The following UCHL3 variants were observed in gnomAD, a reference collection of about 807,000 sequenced individuals.
The protein encoded by UCHL3 is ubiquitin carboxyl-terminal hydrolase isozyme L3.
UCHL3 carries 22 observed loss-of-function variants against 35.8 expected under a neutral mutation model. The observed-to-expected ratio is 0.61, with a 90% CI of 0.44 to 0.88. The LOEUF (loss-of-function observed/expected upper bound fraction) is 0.88, where lower values mean the gene tolerates loss of function less well. Among genes scored for constraint, UCHL3 ranks in the 40% least tolerant of loss-of-function variants. The probability of loss-of-function intolerance (pLI) is 0.00; values close to 1 mark genes in which losing one functional copy is unlikely to be tolerated. For synonymous variants in UCHL3, 90 were observed against 92.8 expected (o/e 0.97, Z 0.17); for missense variants, 229 against 276.9 (o/e 0.83, Z 1.23).
chr13:75,589,033 A>G (rs1299190599), intron 6 of UCHL3, among the ~76,000 whole-genome samples: 3 of 152,146 alleles, frequency 2.0e-5, no homozygotes, highest in African/African-American at 7.2e-5. Context: ...ACCTAACCTT[A>G]TCAGAATTAT....
chr13:75,561,802 CGT>C (rs1456942148), intron 3 of UCHL3, among the ~76,000 whole-genome samples: 2 of 31,252 alleles, frequency 6.4e-5, no homozygotes, highest in Non-Finnish European at 2.8e-4. Flanking sequence ...TATATGTATA[CGT>C]ATACATACGT....
At chr13:75,581,362 T>TC (rs1199377187) in intron 6 of UCHL3, among the ~76,000 whole-genome samples, 1 of 151,282 alleles carries the variant, frequency 6.6e-6, no homozygotes, top group African/African-American at 2.4e-5. Flanking sequence ...TTTTTTTTTT[T>TC]TCCTTGAGAC....
intron 6 of UCHL3, chr13:75,590,211 G>C: frequency 8.3e-7 from 1 of 1,201,184 alleles, no homozygotes; most frequent in Non-Finnish European, 1.1e-6. Context: ...TCGGTCTTCA[G>C]AGTGCTTTTC....
chr13:75,583,806 T>C (rs186342321), intron 6 of UCHL3, among the ~76,000 whole-genome samples: 1 of 152,296 alleles, frequency 6.6e-6, no homozygotes, highest in Non-Finnish European at 1.5e-5. Context: ...CCAAAATTTA[T>C]GGGTAATGAA....
At chr13:75,564,885 G>A (rs1262451964) in intron 3 of UCHL3, among the ~76,000 whole-genome samples, 1 of 151,900 alleles carries the variant, frequency 6.6e-6, no homozygotes, top group Non-Finnish European at 1.5e-5. Context: ...CAGTAGAGAC[G>A]GGGTTTCACC....
In UCHL3 at chr13:75,579,876, C is replaced by CATT. The variant is rs1257643374; in HGVS notation, c.474+10369_474+10370insATT. On this transcript the variant is annotated intron_variant, in intron 6 of 8. Coordinates refer to ENST00000377595, the MANE Select transcript of UCHL3 (RefSeq NM_006002.5). Reference sequence around the variant, plus strand: ...TAATAAAGGAGAACTTTATTTGGGGCTACTCTCAAACTGTAAAGAAAATAA... The same window carrying CATT: ...TAATAAAGGAGAACTTTATTTGGGGCATTTACTCTCAAACTGTAAAGAAAATAA... Among the ~76,000 whole-genome samples, 12 of 152,130 alleles carry CATT rather than the reference C, an allele frequency of 7.9e-5. No homozygotes were observed. In the South Asian group the frequency reaches 2.5e-3, roughly 32 times the overall value.
intron 2 of UCHL3, among the ~76,000 whole-genome samples, chr13:75,556,467 G>A (rs7998005): frequency 0.99 from 150,923 of 152,354 alleles, 74,771 homozygotes; most frequent in Middle Eastern, 1. Context: ...ATTAGTAACA[G>A]GGCAGAATCT....
intron 7 of UCHL3, among the ~76,000 whole-genome samples, chr13:75,603,907 T>C (rs1387225537): frequency 6.6e-6 from 1 of 152,106 alleles, no homozygotes; most frequent in Non-Finnish European, 1.5e-5. Flanking sequence ...AGTCCAAAAA[T>C]AGGAATCACA....
At chr13:75,552,330 A>G (rs1223841803) in intron 2 of UCHL3, among the ~76,000 whole-genome samples, 4 of 152,226 alleles carry the variant, frequency 2.6e-5, no homozygotes, top group Non-Finnish European at 2.9e-5. Context: ...CCTAACAGCA[A>G]TATCCATCCC....
chr13:75,605,796 C>G lies in UCHL3; in HGVS notation c.677C>G (p.Ala226Gly). The G allele has an allele frequency of 6.2e-7, 1 of 1,613,900 alleles. No individual in the cohort carries two copies. The highest frequency in any genetic ancestry group is 1.1e-5 in the South Asian group (1 of 91,076). Reference sequence around the variant, plus strand: ...GATGAACTAAGATTTAATGCGATTGCTCTTTCTGCAGCATAGCTTGTCAAT... The same window carrying G: ...GATGAACTAAGATTTAATGCGATTGGTCTTTCTGCAGCATAGCTTGTCAAT... ...DPDELRFNAI[A>G]LSAA Residue 226 changes from alanine to glycine, a missense_variant, in exon 9 of 9, where the codon GCT (alanine) becomes GGT (glycine). Physicochemically the swap from Ala to Gly is moderately conservative, Grantham distance 60. Coordinates refer to ENST00000377595, the MANE Select transcript of UCHL3 (RefSeq NM_006002.5).
At chr13:75,578,372 C>T (rs2032085729) in intron 6 of UCHL3, among the ~76,000 whole-genome samples, 1 of 152,044 alleles carries the variant, frequency 6.6e-6, no homozygotes, top group African/African-American at 2.4e-5. Context: ...GGTGGGATTA[C>T]TGATTCAAAG....
At chr13:75,550,752 A>G (rs1455603895) in intron 2 of UCHL3, among the ~76,000 whole-genome samples, 1 of 134,242 alleles carries the variant, frequency 7.4e-6, no homozygotes, top group Non-Finnish European at 1.6e-5. Flanking sequence ...TCAACAGCTC[A>G]TTTCTTTTTT....
At chr13:75,549,653 C>A (rs2030997804), upstream of UCHL3, 2 of 672,756 alleles carry the variant, frequency 3.0e-6, no homozygotes, top group Non-Finnish European at 4.7e-6. Flanking sequence ...TACGGCCCTG[C>A]ACGGAGCGGT....
intron 6 of UCHL3, among the ~76,000 whole-genome samples, chr13:75,592,047 A>G (rs1377793061): frequency 1.3e-5 from 2 of 152,022 alleles, no homozygotes; most frequent in Non-Finnish European, 2.9e-5. Context: ...TAATTATTTG[A>G]TACATATAAA....
chr13:75,601,440 G>A (rs577300878), intron 7 of UCHL3, among the ~76,000 whole-genome samples: 1 of 152,284 alleles, frequency 6.6e-6, no homozygotes, highest in African/African-American at 2.4e-5. Context: ...CCAATCTTCA[G>A]CAACCGCCGT....
At chr13:75,559,941 T>G (rs1307848161) in intron 2 of UCHL3, among the ~76,000 whole-genome samples, 1 of 152,242 alleles carries the variant, frequency 6.6e-6, no homozygotes, top group Non-Finnish European at 1.5e-5. Flanking sequence ...GATTAAGGTC[T>G]GACATTTTAT....
At chr13:75,594,414 G>T (rs2032588655) in intron 6 of UCHL3, among the ~76,000 whole-genome samples, 1 of 152,116 alleles carries the variant, frequency 6.6e-6, no homozygotes, top group South Asian at 2.1e-4. Context: ...TGTTTACACT[G>T]CACTGTTGAA....
chr13:75,550,372 C>A (rs2031043115), intron 2 of UCHL3, among the ~76,000 whole-genome samples: 1 of 152,188 alleles, frequency 6.6e-6, no homozygotes, highest in African/African-American at 2.4e-5. Flanking sequence ...CTTCCTGACT[C>A]CAAGCTTTGT....
chr13:75,570,915 A>G (rs1324480170), intron 6 of UCHL3, among the ~76,000 whole-genome samples: 1 of 152,050 alleles, frequency 6.6e-6, no homozygotes, highest in Admixed American at 6.5e-5. Context: ...CTGTCTCTAT[A>G]AAATATATAT....
Sources: gnomAD v4.1 joint callset for allele counts (sites outside exome capture counted in the v4.1 genomes callset) on GRCh38, gnomAD v4.1.1 for gene constraint, MANE v1.5 for transcripts, NCBI Gene and HGNC (gene_info 2026-07-23, HGNC 2026-07-21) for gene names.